Variants in TXNIP observed in about 807,000 individuals in gnomAD.
TXNIP encodes thioredoxin interacting protein, also known as thioredoxin-interacting protein.
Under a neutral mutation model 43.9 loss-of-function variants are expected in TXNIP, and 23 were observed. The observed-to-expected ratio is 0.52, with a 90% CI of 0.38 to 0.74. TXNIP has a LOEUF of 0.74. TXNIP is among the 30% of genes least tolerant of loss of function. The pLI, the probability that TXNIP is intolerant of heterozygous loss-of-function variation, is 0.00. For missense variants in TXNIP, 555 were observed against 485.4 expected (o/e 1.14, Z -1.35); for synonymous variants, 234 against 172.2 (o/e 1.36, Z -2.81).
At chr1:145,994,225 A>C in intron 6 of TXNIP, 56 bp downstream of exon 6, 1 of 1,612,804 alleles carries the variant, frequency 6.2e-7, no homozygotes, top group Non-Finnish European at 8.5e-7. Context: ...GGACCATCAC[A>C]ATTTTACAAA....
In TXNIP at chr1:145,995,851, G is replaced by T. The variant is rs111316900; in HGVS notation, c.250+166C>A. On this transcript the variant is annotated intron_variant, in intron 1 of 7. Coordinates refer to ENST00000582401, the MANE Select transcript of TXNIP (RefSeq NM_006472.6). The stretch of plus-strand genomic sequence containing the variant: ...AATTGTACAAATCACCCTTTTTTTT[G>T]GGGGGGGAGGAGAATGTCTGCAAAT... 1.3e-3 allele frequency: 1,067 copies of T among 831,326 alleles called. 4 individuals carry two copies. The African/African-American group carries it at 0.015, about 11-fold the overall frequency. 51.5% of individuals were successfully genotyped at this position (831,326 alleles called of 1,614,324 possible). A position where few individuals can be genotyped will look rare whatever the true frequency, so the allele number is the denominator to read the frequency against.
At position 145,995,710 on chromosome 1, in the gene TXNIP, C is replaced by T. The variant is rs1651480993; in HGVS notation, c.251-234G>A. The T allele has an allele frequency of 4.9e-6, 3 of 610,114 alleles. No homozygotes were observed. The South Asian group carries it at 6.3e-5, about 13-fold the overall frequency. The allele number at this position is 610,114 out of a possible 1,614,324, so 37.8% of individuals were successfully genotyped here. On this transcript the variant is annotated intron_variant, in intron 1 of 7. Transcript: ENST00000582401. ...TGAAAGATTCACCCAGGACAGTTCTCTACTAACATCTCAAATAGGAAGTAG... is the reference window on the plus strand; with the variant it reads ...TGAAAGATTCACCCAGGACAGTTCTTTACTAACATCTCAAATAGGAAGTAG...
At position 145,994,978 on chromosome 1, in the gene TXNIP, A is replaced by G. The variant is rs1651403326; in HGVS notation, c.525T>C (p.Asp175=). Residue 175 remains aspartate (D), a synonymous_variant, in exon 4 of 8, where the codon GAT becomes GAC. Transcript: ENST00000582401. ...EKKVSCMFIP[D]GRVSVSARID... ...TTCGAGCAGAGACAGACACCCGCCC[A>G]TCAGGAATGAACATGCAGGAAACTT... is the stretch of plus-strand genomic sequence containing the variant. 2 of 1,614,210 alleles carry G rather than the reference A, an allele frequency of 1.2e-6. No individual in the cohort carries two copies. Among genetic ancestry groups the G allele is most frequent in the Non-Finnish European group, 1.7e-6 (2 of 1,180,028 alleles).
chr1:145,994,577 G>A lies in TXNIP; in HGVS notation c.798C>T (p.Gly266=), dbSNP rs768670522. 56 of 1,614,090 alleles carry A rather than the reference G, an allele frequency of 3.5e-5. No homozygotes were observed. The highest frequency in any genetic ancestry group is 5.0e-5 in the Admixed American group (3 of 60,002). ...RVQKIRPSIL[G]CNILRVEYSL... is the part of the protein sequence containing the mutation. ...AATATTCAACTCGAAGGATGTTGCA[G>A]CCCAGGATAGAAGGCCTGATCTTCT... The change falls in exon 5 of 8, where the codon GGC becomes GGT. Residue 266 remains glycine (G), a synonymous_variant. Transcript: ENST00000582401.
chr1:145,995,317 A>C (rs372422152), intron 2 of TXNIP, 26 bp from the exon 3 acceptor site: 14 of 1,610,238 alleles, frequency 8.7e-6, no homozygotes, highest in Admixed American at 8.4e-5. Context: ...GAAAATTTTA[A>C]AACGCTCTCC....
Position 145,993,599 on chromosome 1 carries a change from A to T in TXNIP, c.*252T>A, listed in dbSNP as rs1651286443. ...AGATCTGAGAAAATGGATGGGCCTG[A>T]GTTTTTCTAGTTATTTTTAAACCCA... is the stretch of plus-strand genomic sequence containing the variant. On this transcript the variant is annotated 3_prime_UTR_variant, in exon 8 of 8. Transcript: ENST00000582401. 2 of 403,030 alleles carry T rather than the reference A, an allele frequency of 5.0e-6. No homozygotes were observed. Among genetic ancestry groups the T allele is most frequent in the African/African-American group, 4.0e-5 (2 of 49,816 alleles). 25.0% of individuals were successfully genotyped at this position (403,030 alleles called of 1,614,324 possible). A position where few individuals can be genotyped will look rare whatever the true frequency, so the allele number is the denominator to read the frequency against.
chr1:145,994,207 G>C (rs1651338890), intron 6 of TXNIP, 40 bp from the exon 7 acceptor site: 16 of 1,613,038 alleles, frequency 9.9e-6, no homozygotes, highest in Non-Finnish European at 1.4e-5. Flanking sequence ...TCCTGCCCAA[G>C]AAATGCTGGA....
rs1018223865 is a variant in TXNIP, at chr1:145,992,438, T to A, written c.*1413A>T. On this transcript the variant is annotated 3_prime_UTR_variant, in exon 8 of 8. Transcript: ENST00000582401. The stretch of plus-strand genomic sequence containing the variant: ...TTCCAAAGCCATCTCACAGACATTT[T>A]TTTTTCCATTAAAAAAACTTTATTT... 1 of 151,632 alleles carries A rather than the reference T, an allele frequency of 6.6e-6. No individual in the cohort carries two copies. The highest frequency in any genetic ancestry group is 1.5e-5 in the Non-Finnish European group (1 of 67,944). The allele number at this position is 151,632 out of a possible 1,614,324, so 9.4% of individuals were successfully genotyped here.
rs782129078 is a variant in TXNIP, at chr1:145,995,224, G to A, written c.391C>T (p.Arg131Cys). ...GTCTCTTGAGTTGGCTGGCTCGGGC[G>A]GTCAAGAAAAGCCTTCACCCAGTAG... is the stretch of plus-strand genomic sequence containing the variant. ...VDYWVKAFLD[R>C]PSQPTQETKK... The change falls in exon 3 of 8, where the codon CGC becomes TGC. Residue 131 changes from arginine to cysteine, a missense_variant. Arg to Cys is a radical substitution (Grantham distance 180, BLOSUM62 -3). Transcript: ENST00000582401. 9.3e-6 allele frequency: 15 copies of A among 1,613,974 alleles called. No individual in the cohort carries two copies. The highest frequency in any genetic ancestry group is 5.5e-5 in the South Asian group (5 of 91,068).
chr1:145,995,623 T>C (rs1651475341), intron 1 of TXNIP, 147 bp from the exon 2 acceptor site: 3 of 773,714 alleles, frequency 3.9e-6, no homozygotes, highest in Admixed American at 2.6e-5. Context: ...CATCCCATAT[T>C]GTTCTTAAAG....
At position 145,994,011 on chromosome 1, in the gene TXNIP, C is replaced by A; in HGVS notation, c.1140+5G>T. 1 of 1,614,140 alleles carries A rather than the reference C, an allele frequency of 6.2e-7. No homozygotes were observed. The highest frequency in any genetic ancestry group is 8.5e-7 in the Non-Finnish European group (1 of 1,180,022). On this transcript the variant is annotated splice_donor_5th_base_variant and intron_variant, in intron 7 of 7. Transcript: ENST00000582401. ...AAATTTAACAGTAAAGATGACAATC[C>A]TCACCTCAGTATAAGTCGGTGGTGG... is the stretch of plus-strand genomic sequence containing the variant.
Position 145,996,535 on chromosome 1 carries a change from C to G in TXNIP, c.-269G>C, listed in dbSNP as rs1354868710. The G allele has an allele frequency of 8.6e-6, 3 of 348,990 alleles. No homozygotes were observed. Among genetic ancestry groups the G allele is most frequent in the Non-Finnish European group, 5.3e-6 (1 of 187,902 alleles). The allele number at this position is 348,990 out of a possible 1,614,324, so 21.6% of individuals were successfully genotyped here. A position where few individuals can be genotyped will look rare whatever the true frequency, so the allele number is the denominator to read the frequency against. On this transcript the variant is annotated 5_prime_UTR_variant, in exon 1 of 8. Coordinates refer to ENST00000582401, the MANE Select transcript of TXNIP (RefSeq NM_006472.6). Reference sequence around the variant, plus strand: ...TTCCCCCAATTGCTGGAGAAAAGATCCGATCTCCACAAGCACTCCTTTGGA... The same window carrying G: ...TTCCCCCAATTGCTGGAGAAAAGATGCGATCTCCACAAGCACTCCTTTGGA...
At chr1:145,995,735 G>C (rs145679208) in intron 1 of TXNIP, 1 of 608,184 alleles carries the variant, frequency 1.6e-6, no homozygotes, top group South Asian at 2.1e-5. Context: ...ATAGGAAGTA[G>C]ACAAAGAATA....
rs1484739763 is a variant in TXNIP, at chr1:145,992,495, G to A, written c.*1356C>T. 5 of 152,440 alleles carry A rather than the reference G, an allele frequency of 3.3e-5. No homozygotes were observed. The highest frequency in any genetic ancestry group is 5.9e-5 in the Non-Finnish European group (4 of 68,004). The allele number at this position is 152,440 out of a possible 1,614,324, so 9.4% of individuals were successfully genotyped here. On this transcript the variant is annotated 3_prime_UTR_variant, in exon 8 of 8. Transcript: ENST00000582401. ...TTTACAAAGAATATCCCCATCTGGG[G>A]TAAAAATATATCTGGTTAAGTACAA...
Position 145,993,764 on chromosome 1 carries a change from G to T in TXNIP, c.*87C>A. 1.3e-6 allele frequency: 2 copies of T among 1,504,858 alleles called. No homozygotes were observed. Among genetic ancestry groups the T allele is most frequent in the South Asian group, 2.3e-5 (2 of 86,118 alleles). 93.2% of individuals were successfully genotyped at this position (1,504,858 alleles called of 1,614,324 possible). A position where few individuals can be genotyped will look rare whatever the true frequency, so the allele number is the denominator to read the frequency against. On this transcript the variant is annotated 3_prime_UTR_variant, in exon 8 of 8. Coordinates refer to ENST00000582401, the MANE Select transcript of TXNIP (RefSeq NM_006472.6). ...AGGTGGACCCACACTCCATTGCAGA[G>T]ACTGTTGAGTCTCTGAAAAAGTGAG...
At position 145,996,394 on chromosome 1, in the gene TXNIP, G is replaced by T; in HGVS notation, c.-128C>A. ...ATTAAGGTATTCTTAAGCAGTTTGA[G>T]CTTAAAAATAAAATAAGATTTAAAC... On this transcript the variant is annotated 5_prime_UTR_variant, in exon 1 of 8. Coordinates refer to ENST00000582401, the MANE Select transcript of TXNIP (RefSeq NM_006472.6). 1 of 1,172,148 alleles carries T rather than the reference G, an allele frequency of 8.5e-7. No homozygotes were observed. Among genetic ancestry groups the T allele is most frequent in the Non-Finnish European group, 1.2e-6 (1 of 836,600 alleles). The allele number at this position is 1,172,148 out of a possible 1,614,324, so 72.6% of individuals were successfully genotyped here. A position where few individuals can be genotyped will look rare whatever the true frequency, so the allele number is the denominator to read the frequency against.
intron 3 of TXNIP, 33 bp downstream of exon 3, chr1:145,995,111 C>T: frequency 6.2e-7 from 1 of 1,613,632 alleles, no homozygotes; most frequent in East Asian, 2.2e-5. Flanking sequence ...TCCTCATGAC[C>T]CAGGAGAATA....
Position 145,994,057 on chromosome 1 carries a change from C to A in TXNIP, c.1099G>T (p.Ala367Ser). ...GSQDSPIFMYAPEFKFMPPPT... is the reference protein window; with the variant it reads ...GSQDSPIFMYSPEFKFMPPPT... Reference sequence around the variant, plus strand: ...GGTGGCATGAACTTGAACTCAGGGGCATACATAAAGATAGGGCTGTCTTGA... The same window carrying A: ...GGTGGCATGAACTTGAACTCAGGGGAATACATAAAGATAGGGCTGTCTTGA... Residue 367 changes from alanine to serine, a missense_variant, in exon 7 of 8, where the codon GCC becomes TCC. Coordinates refer to ENST00000582401, the MANE Select transcript of TXNIP (RefSeq NM_006472.6). The A allele has an allele frequency of 6.2e-7, 1 of 1,614,104 alleles. No individual in the cohort carries two copies. Among genetic ancestry groups the A allele is most frequent in the Non-Finnish European group, 8.5e-7 (1 of 1,180,030 alleles).
intron 1 of TXNIP, 121 bp downstream of exon 1, chr1:145,995,896 C>T (rs1651493029): frequency 8.1e-7 from 1 of 1,231,870 alleles, no homozygotes; most frequent in Non-Finnish European, 1.1e-6. Flanking sequence ...AAAAAGGAAG[C>T]AACAACACGT....
Sources: allele counts gnomAD v4.1 joint callset, GRCh38; gene constraint gnomAD v4.1.1; transcripts MANE v1.5; gene names NCBI Gene and HGNC (gene_info 2026-07-23, HGNC 2026-07-21).